Variants in ZPLD1 observed in about 807,000 individuals in gnomAD.
ZPLD1 encodes the protein zona pellucida like domain containing 1.
ZPLD1 carries 34 observed loss-of-function variants against 47.2 expected under a neutral mutation model. The observed-to-expected ratio is 0.72, with a 90% CI of 0.55 to 0.96. The LOEUF (loss-of-function observed/expected upper bound fraction) is 0.96, where lower values mean the gene tolerates loss of function less well. Among genes scored for constraint, ZPLD1 ranks in the 40% least tolerant of loss-of-function variants. The pLI, the probability that ZPLD1 is intolerant of heterozygous loss-of-function variation, is 0.00. For missense variants in ZPLD1, 512 were observed against 505.8 expected (o/e 1.01, Z -0.12); for synonymous variants, 176 against 186.2 (o/e 0.95, Z 0.45).
intron 5 of ZPLD1, among the ~76,000 whole-genome samples, 171 bp downstream of exon 5, chr3:102,456,545 A>ATATATATCTATCTATCTATCTATC (rs147808575): frequency 2.7e-5 from 4 of 147,034 alleles, no homozygotes; most frequent in Non-Finnish European, 6.0e-5. Context: ...TTTATCTATT[A>ATATATATCTATCTATCTATCTATC]TATCTATCTA....
chr3:102,387,827 A>G (rs190241592), intron 6 of ZPLD1, among the ~76,000 whole-genome samples: 1 of 142,890 alleles, frequency 7.0e-6, no homozygotes, highest in East Asian at 2.0e-4. Flanking sequence ...CTTAAGATTC[A>G]TGTCCTTCAG....
At chr3:102,463,815 G>C (rs532413458) in intron 7 of ZPLD1, among the ~76,000 whole-genome samples, 154 of 151,352 alleles carry the variant, frequency 1.0e-3, no homozygotes, top group African/African-American at 3.5e-3. Flanking sequence ...CGAGGAGGGT[G>C]GATCACGAGG....
At chr3:102,467,753 G>A (rs1283728489) in intron 8 of ZPLD1, among the ~76,000 whole-genome samples, 1 of 151,244 alleles carries the variant, frequency 6.6e-6, no homozygotes, top group African/African-American at 2.4e-5. Context: ...TTAAAACTTT[G>A]GAGTAAGGAA....
At chr3:102,454,253 G>T (rs1354390536) in intron 4 of ZPLD1, among the ~76,000 whole-genome samples, 1 of 152,128 alleles carries the variant, frequency 6.6e-6, no homozygotes, top group Non-Finnish European at 1.5e-5. Flanking sequence ...CTTGAGTATT[G>T]TTGACTCTTT....
chr3:102,447,271 G>A (rs1237323908), intron 3 of ZPLD1, among the ~76,000 whole-genome samples: 6 of 151,960 alleles, frequency 3.9e-5, no homozygotes, highest in Non-Finnish European at 8.8e-5. Flanking sequence ...TCACCATGTT[G>A]GCCAGGATGG....
intron 7 of ZPLD1, among the ~76,000 whole-genome samples, chr3:102,407,442 T>C (rs186020526): frequency 0.036 from 3,391 of 95,220 alleles, 186 homozygotes; most frequent in African/African-American, 0.083. Context: ...TATATATATA[T>C]ACACACATAT....
chr3:102,431,914 A>C (rs1012667764), upstream of ZPLD1, among the ~76,000 whole-genome samples: 3 of 152,182 alleles, frequency 2.0e-5, no homozygotes, highest in African/African-American at 7.2e-5. Flanking sequence ...TGTCTCACAA[A>C]CAAACAAACA....
chr3:102,432,394 CT>C (rs1707026790), upstream of ZPLD1, among the ~76,000 whole-genome samples: 1 of 152,136 alleles, frequency 6.6e-6, no homozygotes, highest in Non-Finnish European at 1.5e-5. Flanking sequence ...AAAAAACTAG[CT>C]TTAGTTTAGT....
intron 6 of ZPLD1, among the ~76,000 whole-genome samples, 188 bp from the exon 7 acceptor site, chr3:102,462,093 G>A (rs983008943): frequency 2.6e-5 from 4 of 152,050 alleles, no homozygotes; most frequent in African/African-American, 9.7e-5. Context: ...GAATCAATTT[G>A]TTACATGGAT....
chr3:102,455,949 A>G (rs1707406485), intron 4 of ZPLD1, among the ~76,000 whole-genome samples: 1 of 152,200 alleles, frequency 6.6e-6, no homozygotes, highest in Admixed American at 6.5e-5. Context: ...CTTCGAACCT[A>G]TAATCTCCTT....
chr3:102,402,597 T>A (rs1280391614), intron 7 of ZPLD1, among the ~76,000 whole-genome samples: 1 of 152,006 alleles, frequency 6.6e-6, no homozygotes, highest in Non-Finnish European at 1.5e-5. Flanking sequence ...TGGAAAGAAA[T>A]GGCGACAACA....
At chr3:102,445,276 G>C (rs942998504) in intron 3 of ZPLD1, among the ~76,000 whole-genome samples, 1 of 152,142 alleles carries the variant, frequency 6.6e-6, no homozygotes. Flanking sequence ...AGCATTTTAT[G>C]AGCCTTCTTT....
chr3:102,441,690 C>A (rs1168360217), intron 3 of ZPLD1, among the ~76,000 whole-genome samples: 1 of 152,006 alleles, frequency 6.6e-6, no homozygotes, highest in Non-Finnish European at 1.5e-5. Flanking sequence ...TAAGAGATTA[C>A]AAAAACAGAA....
intron 6 of ZPLD1, among the ~76,000 whole-genome samples, chr3:102,458,170 G>A (rs1707448486): frequency 6.6e-6 from 1 of 152,098 alleles, no homozygotes; most frequent in South Asian, 2.1e-4. Context: ...AGTAGCTACA[G>A]TTAGCTTCAA....
rs1000075740 is a variant in ZPLD1, at chr3:102,388,455, C to G, written c.-213+3138C>G. Among the ~76,000 whole-genome samples the G allele has an allele frequency of 4.8e-3, 652 of 135,494 alleles. 7 individuals carry two copies. The highest frequency in any genetic ancestry group is 0.016 in the African/African-American group (598 of 37,438). The allele number at this position is 135,494 out of a possible 152,430, so 88.9% of individuals were successfully genotyped here. ...TCTCTCTCTCTCTCTCTCTCTCTGT[C>G]TGTGTGTGTGTGTGTGTGTGTGTGT... On this transcript the variant is annotated intron_variant, in intron 6 of 17. Transcript: ENST00000491959.
At chr3:102,396,096 T>C (rs1393892647) in intron 7 of ZPLD1, among the ~76,000 whole-genome samples, 1 of 152,184 alleles carries the variant, frequency 6.6e-6, no homozygotes, top group East Asian at 1.9e-4. Flanking sequence ...GTTGGAAGTT[T>C]AATAGTTTCT....
chr3:102,453,207 G>A, intron 4 of ZPLD1, 68 bp downstream of exon 4: 1 of 1,372,670 alleles, frequency 7.3e-7, no homozygotes, highest in Non-Finnish European at 1.0e-6. Flanking sequence ...TTTCATGAAA[G>A]AATAAGATGC....
intron 7 of ZPLD1, chr3:102,392,268 G>A (rs572085184): frequency 6.6e-6 from 1 of 152,226 alleles, no homozygotes; most frequent in African/African-American, 2.4e-5. Context: ...TATCATAACT[G>A]TCCTTCTACC....
chr3:102,385,458 T>A (rs982992893), intron 6 of ZPLD1: 1 of 152,350 alleles, frequency 6.6e-6, no homozygotes, highest in African/African-American at 2.4e-5. Context: ...TCCTGGAGAT[T>A]TTCAGGAATT....
Sources: gnomAD v4.1 joint callset for allele counts (sites outside exome capture counted in the v4.1 genomes callset) on GRCh38, gnomAD v4.1.1 for gene constraint, MANE v1.5 for transcripts, NCBI Gene and HGNC (gene_info 2026-07-23, HGNC 2026-07-21) for gene names.